NUDC: variants seen among roughly 807,000 people sequenced by gnomAD.
The protein encoded by NUDC is nuclear migration protein nudC.
Under a neutral mutation model 45.0 loss-of-function variants are expected in NUDC, and 14 were observed. The ratio of observed to expected loss-of-function variants is 0.31; its 90% CI spans 0.21 to 0.49. The LOEUF (loss-of-function observed/expected upper bound fraction) is 0.49. Among genes scored for constraint, NUDC ranks in the 20% least tolerant of loss-of-function variants. The pLI is 0.99. For missense variants in NUDC, 323 were observed against 426.2 expected, an observed-to-expected ratio of 0.76 and a Z score of 2.13; for synonymous variants, 153 against 156.7, an observed-to-expected ratio of 0.98 and a Z score of 0.17.
At chr1:26,921,245 G>A (rs1308846304), upstream of NUDC, among the ~76,000 whole-genome samples, 1 of 152,182 alleles carries the variant, frequency 6.6e-6, no homozygotes, top group Admixed American at 6.5e-5. Context: ...AGAAGGCCAT[G>A]AAATCAAGCG....
chr1:26,922,011 C>A, intron 1 of NUDC, 82 bp downstream of exon 1: 2 of 1,388,262 alleles, frequency 1.4e-6, no homozygotes, highest in Non-Finnish European at 2.0e-6. Flanking sequence ...GGGCTGAGAC[C>A]CACCCCAGCG....
chr1:26,920,936 T>C (rs1372183770), upstream of NUDC, among the ~76,000 whole-genome samples: 1 of 152,026 alleles, frequency 6.6e-6, no homozygotes. Flanking sequence ...AAGAACCCCA[T>C]CTCTAAAAAC....
chr1:26,923,953 A>G, intron 1 of NUDC, 136 bp from the exon 2 acceptor site: 4 of 758,198 alleles, frequency 5.3e-6, no homozygotes, highest in South Asian at 2.9e-5. Context: ...TGGGGAGATA[A>G]TCTCCTCAGT....
intron 2 of NUDC, among the ~76,000 whole-genome samples, chr1:26,932,602 T>C (rs1286862711): frequency 6.6e-6 from 1 of 151,940 alleles, no homozygotes; most frequent in Non-Finnish European, 1.5e-5. Context: ...GGATAACAGA[T>C]GTGAGCCACT....
At chr1:26,920,263 G>T (rs2082082306), upstream of NUDC, among the ~76,000 whole-genome samples, 2 of 152,150 alleles carry the variant, frequency 1.3e-5, no homozygotes, top group Admixed American at 1.3e-4. Context: ...GCCGAGGCAG[G>T]TGGATCACTT....
chr1:26,913,863 G>A (rs1373862080), intron 3 of NUDC: 2 of 1,505,158 alleles, frequency 1.3e-6, no homozygotes, highest in Non-Finnish European at 1.8e-6. Flanking sequence ...TGAGGCTGGA[G>A]CTCAGAAGTG....
intron 2 of NUDC, among the ~76,000 whole-genome samples, chr1:26,930,435 G>T (rs919998701): frequency 6.6e-6 from 1 of 152,216 alleles, no homozygotes; most frequent in African/African-American, 2.4e-5. Flanking sequence ...CTTTGCGGCC[G>T]CCATTGTACC....
intron 2 of NUDC, among the ~76,000 whole-genome samples, chr1:26,925,744 CAG>C (rs918261803): frequency 1.7e-5 from 2 of 120,676 alleles, no homozygotes; most frequent in Non-Finnish European, 3.4e-5. Flanking sequence ...TTTTTTGAGA[CAG>C]AGTTTCACTC....
At position 26,943,574 on chromosome 1, in the gene NUDC, T is replaced by G. The variant is rs554414196; in HGVS notation, c.741+509T>G. 2.0e-5 allele frequency among the ~76,000 whole-genome samples: 3 copies of G among 152,324 alleles called. No individual in the cohort carries two copies. In the East Asian group the frequency reaches 5.8e-4, roughly 29 times the overall value. ...GGGGTGGAGTCAGAATTGAAAGTCT[T>G]AGTTTCTAAAGCCACTTCTTTTTCA... On this transcript the variant is annotated intron_variant, in intron 6 of 8. Transcript: ENST00000321265.
At chr1:26,940,137 A>G (rs1405055770) in intron 2 of NUDC, among the ~76,000 whole-genome samples, 2 of 152,142 alleles carry the variant, frequency 1.3e-5, no homozygotes, top group Non-Finnish European at 2.9e-5. Flanking sequence ...TCTTCCTTCA[A>G]GAAAGCTCCC....
chr1:26,930,197 C>T (rs1045504523), intron 2 of NUDC, among the ~76,000 whole-genome samples: 4 of 152,150 alleles, frequency 2.6e-5, no homozygotes, highest in African/African-American at 7.2e-5. Flanking sequence ...GACAGGGTCT[C>T]GCTCTGCTGC....
At chr1:26,904,089 A>T (rs995699216) in intron 2 of NUDC, among the ~76,000 whole-genome samples, 5 of 137,724 alleles carry the variant, frequency 3.6e-5, no homozygotes, top group African/African-American at 1.3e-4. Context: ...AAAATAAAAA[A>T]GTCTAATGAG....
intron 2 of NUDC, among the ~76,000 whole-genome samples, chr1:26,907,064 T>C (rs1282346853): frequency 1.3e-5 from 2 of 152,064 alleles, no homozygotes; most frequent in African/African-American, 4.8e-5. Flanking sequence ...GCTGTCTTGT[T>C]CTGTGAGGTG....
upstream of NUDC, chr1:26,900,203 C>G (rs1570703780): frequency 6.2e-7 from 1 of 1,614,124 alleles, no homozygotes; most frequent in East Asian, 2.2e-5. Flanking sequence ...TGGCCGAAGT[C>G]TGAGAGAGAA....
intron 2 of NUDC, among the ~76,000 whole-genome samples, chr1:26,934,137 G>C (rs925046189): frequency 6.6e-6 from 1 of 152,200 alleles, no homozygotes; most frequent in African/African-American, 2.4e-5. Flanking sequence ...TGTCGAGAGA[G>C]CGAGACTCCG....
chr1:26,927,187 C>CGTGTGTGTGTGTGTGTGT lies in NUDC; in HGVS notation c.159+3035_159+3036insGTGTGTGTGTGTGTGTGT, dbSNP rs71010306. On this transcript the variant is annotated intron_variant, in intron 2 of 8. Coordinates refer to ENST00000321265, the MANE Select transcript of NUDC (RefSeq NM_006600.4). Reference sequence around the variant, plus strand: ...GCTGTAAGAAGGGAGAGAGATGAACCGTGTGTGTGTGTGTCAGGGTCTTGC... The same window carrying CGTGTGTGTGTGTGTGTGT: ...GCTGTAAGAAGGGAGAGAGATGAACCGTGTGTGTGTGTGTGTGTGTGTGTGTGTGTGTCAGGGTCTTGC... 7.2e-4 allele frequency among the ~76,000 whole-genome samples: 91 copies of CGTGTGTGTGTGTGTGTGT among 126,794 alleles called. 4 individuals are homozygous for CGTGTGTGTGTGTGTGTGT. Among genetic ancestry groups the CGTGTGTGTGTGTGTGTGT allele is most frequent in the African/African-American group, 2.7e-3 (81 of 30,112 alleles). 83.2% of individuals were successfully genotyped at this position (126,794 alleles called of 152,430 possible).
At chr1:26,933,573 C>T (rs2082201022) in intron 2 of NUDC, among the ~76,000 whole-genome samples, 1 of 151,980 alleles carries the variant, frequency 6.6e-6, no homozygotes, top group Non-Finnish European at 1.5e-5. Flanking sequence ...GCCACCACAC[C>T]TGGCTAATTT....
upstream of NUDC, among the ~76,000 whole-genome samples, chr1:26,920,195 A>T (rs896374587): frequency 6.6e-6 from 1 of 152,230 alleles, no homozygotes; most frequent in Admixed American, 6.5e-5. Flanking sequence ...CCTTTAAAAA[A>T]TAGACTAGAA....
intron 2 of NUDC, among the ~76,000 whole-genome samples, chr1:26,908,488 A>AGT (rs1259612523): frequency 1.3e-5 from 2 of 152,230 alleles, no homozygotes; most frequent in African/African-American, 4.8e-5. Flanking sequence ...AAGAAACAGA[A>AGT]GTGTAGCTCC....
Sources: allele counts gnomAD v4.1 joint callset (sites outside exome capture counted in the v4.1 genomes callset), GRCh38; gene constraint gnomAD v4.1.1; transcripts MANE v1.5; gene names NCBI Gene and HGNC (gene_info 2026-07-23, HGNC 2026-07-21).